Variants in EYA2 observed in about 807,000 individuals in gnomAD.
EYA2 encodes EYA transcriptional coactivator and phosphatase 2.
In EYA2, 31 loss-of-function variants were observed where a neutral mutation model predicts 69.2. That is an observed-to-expected ratio of 0.45 (90% CI 0.34 to 0.60). The LOEUF (loss-of-function observed/expected upper bound fraction) is 0.60. Ranked by LOEUF, EYA2 falls within the 20% of genes least tolerant of loss-of-function variation. The pLI, the probability that EYA2 is intolerant of heterozygous loss-of-function variation, is 0.02. For synonymous variants in EYA2, 257 were observed against 279.4 expected, an observed-to-expected ratio of 0.92 and a Z score of 0.80; for missense variants, 622 against 701.2, an observed-to-expected ratio of 0.89 and a Z score of 1.28.
chr20:47,181,059 A>G, intron 14 of EYA2, 123 bp downstream of exon 14: 3 of 1,361,364 alleles, frequency 2.2e-6, no homozygotes, highest in Non-Finnish European at 3.0e-6. Flanking sequence ...GCCTATGGCC[A>G]TGACTCAGAT....
Position 47,156,316 on chromosome 20 carries a change from A to AGAGC in EYA2, c.979-12822_979-12819dup, listed in dbSNP as rs1160618021. Among the ~76,000 whole-genome samples the AGAGC allele has an allele frequency of 3.2e-4, 48 of 150,176 alleles. 1 individual carries two copies. In the East Asian group the frequency reaches 7.1e-3, roughly 22 times the overall value. ...ACCACTGCACTCCAGCCTGGGCAACAGAGCAAGACTCCATCTCAAAAAATA... is the reference window on the plus strand; with the variant it reads ...ACCACTGCACTCCAGCCTGGGCAACAGAGCGAGCAAGACTCCATCTCAAAAAATA... On this transcript the variant is annotated intron_variant, in intron 10 of 15. Transcript: ENST00000327619.
intron 9 of EYA2, among the ~76,000 whole-genome samples, chr20:47,112,933 G>T (rs2032789479): frequency 7.4e-6 from 1 of 135,938 alleles, no homozygotes; most frequent in South Asian, 2.4e-4. Flanking sequence ...GTGCAGTGGT[G>T]ATGTCTTGGC....
chr20:47,040,827 G>A (rs1322868221), intron 5 of EYA2, among the ~76,000 whole-genome samples: 2 of 149,992 alleles, frequency 1.3e-5, no homozygotes, highest in East Asian at 3.8e-4. Context: ...AGAAATGGGA[G>A]TGTCTGGGGG....
intron 7 of EYA2, among the ~76,000 whole-genome samples, chr20:47,084,496 G>A (rs1244202888): frequency 6.6e-6 from 1 of 152,122 alleles, no homozygotes; most frequent in Non-Finnish European, 1.5e-5. Context: ...AGCTGTAATT[G>A]TGCCACTGCA....
At chr20:46,980,261 C>T (rs996640535) in intron 1 of EYA2, among the ~76,000 whole-genome samples, 3 of 152,172 alleles carry the variant, frequency 2.0e-5, no homozygotes, top group Admixed American at 6.5e-5. Context: ...TAAGCCTCAG[C>T]GTAAATGCTC....
intron 5 of EYA2, among the ~76,000 whole-genome samples, chr20:47,023,339 T>C (rs1983869513): frequency 1.3e-5 from 2 of 151,692 alleles, no homozygotes; most frequent in Non-Finnish European, 2.9e-5. Context: ...CATTTGCTTC[T>C]AAGGGTTTCT....
chr20:47,057,697 G>A (rs939161862), intron 5 of EYA2, among the ~76,000 whole-genome samples: 2 of 152,228 alleles, frequency 1.3e-5, no homozygotes, highest in African/African-American at 4.8e-5. Context: ...AAGGTGGAAG[G>A]GGGGATGTCT....
intron 1 of EYA2, among the ~76,000 whole-genome samples, chr20:46,973,599 A>G (rs1980272734): frequency 6.6e-6 from 1 of 152,230 alleles, no homozygotes; most frequent in South Asian, 2.1e-4. Flanking sequence ...TGTTTTAAAC[A>G]CTTCAGCAAA....
intron 5 of EYA2, among the ~76,000 whole-genome samples, chr20:47,022,445 C>T (rs1347140838): frequency 6.6e-6 from 1 of 152,068 alleles, no homozygotes; most frequent in Non-Finnish European, 1.5e-5. Context: ...TCCCAAGTAG[C>T]TGGGATTACA....
At chr20:47,014,680 C>T (rs576310963) in intron 4 of EYA2, among the ~76,000 whole-genome samples, 7 of 142,176 alleles carry the variant, frequency 4.9e-5, no homozygotes, top group Non-Finnish European at 9.2e-5. Context: ...GGTGTGATGA[C>T]TATAAGCTGC....
At chr20:47,050,601 G>T (rs991866299) in intron 5 of EYA2, among the ~76,000 whole-genome samples, 1 of 152,232 alleles carries the variant, frequency 6.6e-6, no homozygotes, top group Non-Finnish European at 1.5e-5. Flanking sequence ...TATAAGCAAT[G>T]TGAGGTTTTT....
intron 5 of EYA2, among the ~76,000 whole-genome samples, chr20:47,041,080 A>G (rs1014790175): frequency 6.6e-6 from 1 of 152,214 alleles, no homozygotes; most frequent in Non-Finnish European, 1.5e-5. Flanking sequence ...TTAGATAACC[A>G]GCAGGTGGGT....
chr20:47,008,217 C>G (rs1292164546), intron 4 of EYA2, among the ~76,000 whole-genome samples: 1 of 152,232 alleles, frequency 6.6e-6, no homozygotes, highest in African/African-American at 2.4e-5. Context: ...TAATCCCCAC[C>G]TCAACCCTAC....
chr20:46,964,946 G>T (rs532237408), intron 1 of EYA2, among the ~76,000 whole-genome samples: 3 of 152,274 alleles, frequency 2.0e-5, no homozygotes, highest in Admixed American at 1.3e-4. Flanking sequence ...TACATTCAGG[G>T]CAGTAAGGGC....
chr20:47,162,931 C>T (rs2034100403), intron 10 of EYA2, among the ~76,000 whole-genome samples: 1 of 152,024 alleles, frequency 6.6e-6, no homozygotes, highest in African/African-American at 2.4e-5. Flanking sequence ...GTATGGGCTT[C>T]CAGATCTTTC....
intron 10 of EYA2, among the ~76,000 whole-genome samples, chr20:47,167,506 A>G (rs543704616): frequency 3.3e-5 from 5 of 151,278 alleles, no homozygotes; most frequent in African/African-American, 7.3e-5. Flanking sequence ...CTGGTCTCAA[A>G]CTCCTGGCCT....
rs780609160 is a variant in EYA2 at position 47,172,881 on chromosome 20, G to A, written c.1198+14G>A. On this transcript the variant is annotated intron_variant, in intron 12 of 15. Coordinates refer to ENST00000327619, the MANE Select transcript of EYA2 (RefSeq NM_005244.5). The stretch of plus-strand genomic sequence containing the variant: ...ACAACGTTGGTGGTGAGTACTGTGA[G>A]CCTTGGGCCTCCGAGGAAGGGAAAC... 4.6e-5 allele frequency: 74 copies of A among 1,595,442 alleles called. No homozygotes were observed. The East Asian group carries it at 1.0e-3, about 22-fold the overall frequency.
chr20:46,992,026 G>A (rs982376928), intron 2 of EYA2, among the ~76,000 whole-genome samples: 2 of 135,466 alleles, frequency 1.5e-5, no homozygotes, highest in Admixed American at 7.2e-5. Flanking sequence ...CACATTCCCC[G>A]CTGGCTGCCA....
chr20:47,071,747 A>G (rs576879036), intron 5 of EYA2: 18 of 167,922 alleles, frequency 1.1e-4, no homozygotes, highest in Admixed American at 9.6e-4. Context: ...CCAAAGTCAC[A>G]GGTTCCATCC....
Sources: allele counts gnomAD v4.1 joint callset (sites outside exome capture counted in the v4.1 genomes callset), GRCh38; gene constraint gnomAD v4.1.1; transcripts MANE v1.5; gene names NCBI Gene and HGNC (gene_info 2026-07-23, HGNC 2026-07-21).